Variants in CEP295 observed in about 807,000 individuals in gnomAD.
CEP295 encodes the protein centrosomal protein of 295 kDa.
CEP295 carries 190 observed loss-of-function variants against 291.6 expected under a neutral mutation model. That is an observed-to-expected ratio of 0.65 (90% CI 0.58 to 0.73). The LOEUF (loss-of-function observed/expected upper bound fraction) is 0.73. Among genes scored for constraint, CEP295 ranks in the 30% least tolerant of loss-of-function variants. The probability of loss-of-function intolerance (pLI) is 0.00; values close to 1 mark genes in which losing one functional copy is unlikely to be tolerated. For synonymous variants in CEP295, 993 were observed against 1,038.8 expected, an observed-to-expected ratio of 0.96 and a Z score of 0.85; for missense variants, 2,863 against 2,949.4, an observed-to-expected ratio of 0.97 and a Z score of 0.68.
At chr11:93,702,428 G>A (rs1233915045) in intron 15 of CEP295, 32 bp from the exon 16 acceptor site, 1 of 1,450,108 alleles carries the variant, frequency 6.9e-7, no homozygotes, top group African/African-American at 1.4e-5. Flanking sequence ...CCCCCAACTT[G>A]TGCTTCCCCA....
intron 29 of CEP295, 40 bp downstream of exon 29, chr11:93,730,188 A>G: frequency 6.4e-7 from 1 of 1,551,300 alleles, no homozygotes; most frequent in Middle Eastern, 1.7e-4. Flanking sequence ...TTTTTCAAGC[A>G]TGAAGTACAC....
At chr11:93,707,337 A>G (rs186764088) in intron 18 of CEP295, among the ~76,000 whole-genome samples, 8 of 152,304 alleles carry the variant, frequency 5.3e-5, no homozygotes, top group Admixed American at 3.3e-4. Context: ...AAGACAGCCA[A>G]TGTTAATCTT....
intron 18 of CEP295, among the ~76,000 whole-genome samples, chr11:93,714,312 A>G (rs1953094956): frequency 1.3e-5 from 2 of 152,214 alleles, no homozygotes; most frequent in South Asian, 4.2e-4. Context: ...GTGCAGTGGC[A>G]TGATCTCAGC....
rs138290534 is a variant in CEP295, at chr11:93,670,389, AT to A, written c.528+627del. ...TGTGTGCTTTTGTGATTTGAAGCTT[AT>A]TTTTTTTAAAAAAATGTAATTAAAG... On this transcript the variant is annotated intron_variant, in intron 5 of 29. Transcript: ENST00000325212. 1.4e-3 allele frequency among the ~76,000 whole-genome samples: 30 copies of A among 22,002 alleles called. No homozygotes were observed. In the South Asian group the frequency reaches 0.026, roughly 19 times the overall value. The allele number at this position is 22,002 out of a possible 152,430, so 14.4% of individuals were successfully genotyped here. A position where few individuals can be genotyped will look rare whatever the true frequency, so the allele number is the denominator to read the frequency against.
chr11:93,704,599 C>T (rs930257335), intron 17 of CEP295, among the ~76,000 whole-genome samples: 2 of 152,070 alleles, frequency 1.3e-5, no homozygotes, highest in Non-Finnish European at 2.9e-5. Flanking sequence ...CCTACCAAAA[C>T]CCCTGGTAGG....
At position 93,702,568 on chromosome 11, in the gene CEP295, A is replaced by C. The variant is rs1952236423; in HGVS notation, c.5383A>C (p.Arg1795=). The change falls in exon 16 of 30, where the codon AGG becomes CGG. Residue 1795 remains arginine (R), a synonymous_variant. Coordinates refer to ENST00000325212, the MANE Select transcript of CEP295 (RefSeq NM_033395.2). ...DLAGNDQENI[R]HADRNNSDDN... ...AGCAGGAAATGATCAAGAAAATATT[A>C]GGCATGCAGATAGGAACAACTCTGA... 8 of 1,551,322 alleles carry C rather than the reference A, an allele frequency of 5.2e-6. No homozygotes were observed. Among genetic ancestry groups the C allele is most frequent in the Non-Finnish European group, 7.0e-6 (8 of 1,146,794 alleles).
chr11:93,718,246 A>T (rs900582291), intron 18 of CEP295, among the ~76,000 whole-genome samples: 1 of 152,154 alleles, frequency 6.6e-6, no homozygotes, highest in African/African-American at 2.4e-5. Flanking sequence ...CTGTCTTGTT[A>T]CTACTATTCC....
chr11:93,685,272 A>G (rs1951170972), intron 9 of CEP295, among the ~76,000 whole-genome samples: 1 of 152,080 alleles, frequency 6.6e-6, no homozygotes, highest in Non-Finnish European at 1.5e-5. Flanking sequence ...TTCACCCTAC[A>G]CTGTGAACAT....
At chr11:93,719,951 T>C (rs1159517945) in intron 18 of CEP295, among the ~76,000 whole-genome samples, 4 of 152,122 alleles carry the variant, frequency 2.6e-5, no homozygotes, top group Non-Finnish European at 5.9e-5. Context: ...AATACATGAT[T>C]GTTAATATGA....
chr11:93,720,489 A>AAAAAAAAAAAAG (rs34039567), intron 18 of CEP295, among the ~76,000 whole-genome samples: 2 of 121,322 alleles, frequency 1.6e-5, no homozygotes, highest in Non-Finnish European at 1.7e-5. Context: ...AAAAAAAAAA[A>AAAAAAAAAAAAG]ACTGTCTCTA....
At position 93,681,557 on chromosome 11, in the gene CEP295, A is replaced by T. The variant is rs937611757; in HGVS notation, c.766-2002A>T. ...TGGCCTCCCAAGTAGCTGGGACTAC[A>T]GGCACATACCACCACGCTTGGCTAA... On this transcript the variant is annotated intron_variant, in intron 7 of 29. Coordinates refer to ENST00000325212, the MANE Select transcript of CEP295 (RefSeq NM_033395.2). 2.2e-4 allele frequency among the ~76,000 whole-genome samples: 34 copies of T among 151,516 alleles called. 1 individual carries two copies. The highest frequency in any genetic ancestry group is 2.2e-3 in the Admixed American group (34 of 15,208).
chr11:93,711,837 T>C (rs1039406208), intron 18 of CEP295, among the ~76,000 whole-genome samples: 1 of 152,008 alleles, frequency 6.6e-6, no homozygotes, highest in Non-Finnish European at 1.5e-5. Context: ...TTTTTTTTTT[T>C]TTAATGTTTT....
In CEP295 at chr11:93,727,471, C is replaced by A; in HGVS notation, c.6995C>A (p.Thr2332Asn). ...TGTGTAAGAACAGTGGAGATGGGAA[C>A]TTCAATTCAGGCACCATATTCCTTA... Reference protein sequence around the residue: ...RLCVRTVEMGTSIQAPYSLTT... With the variant: ...RLCVRTVEMGNSIQAPYSLTT... Residue 2332 changes from threonine to asparagine, a missense_variant, in exon 24 of 30, where the codon ACT becomes AAT. Physicochemically the swap from Thr to Asn is moderately conservative, Grantham distance 65 (BLOSUM62 0). Transcript: ENST00000325212. The A allele has an allele frequency of 6.4e-7, 1 of 1,551,974 alleles. No homozygotes were observed. Among genetic ancestry groups the A allele is most frequent in the Non-Finnish European group, 8.7e-7 (1 of 1,147,034 alleles).
chr11:93,729,815 C>T, intron 27 of CEP295, 34 bp downstream of exon 27: 1 of 1,536,600 alleles, frequency 6.5e-7, no homozygotes, highest in Non-Finnish European at 8.8e-7. Flanking sequence ...CAACCAACTC[C>T]CTGAAATGTT....
At chr11:93,691,031 C>A (rs1217491092) in intron 10 of CEP295, among the ~76,000 whole-genome samples, 2 of 152,304 alleles carry the variant, frequency 1.3e-5, no homozygotes, top group African/African-American at 4.8e-5. Context: ...TTATTATACT[C>A]TATTGTATAA....
chr11:93,698,853 C>T lies in CEP295; in HGVS notation c.3941C>T (p.Pro1314Leu), dbSNP rs753055235. Residue 1314 changes from proline (P) to leucine (L), a missense_variant, in exon 15 of 30, where the codon CCT becomes CTT. Physicochemically the swap from Pro to Leu is moderately conservative, Grantham distance 98. Transcript: ENST00000325212. ...GCTGAGTCTGGCACAATCCTGGAAC[C>T]TCTTTTTACAGAGAGTGAAAGTAAA... ...ASAESGTILE[P>L]LFTESESKIF... is the part of the protein sequence containing the mutation. 2 of 1,551,628 alleles carry T rather than the reference C, an allele frequency of 1.3e-6. No homozygotes were observed. The highest frequency in any genetic ancestry group is 2.4e-5 in the East Asian group (1 of 40,926).
chr11:93,661,859 G>T (rs1950000261), intron 1 of CEP295, 85 bp downstream of exon 1: 1 of 152,700 alleles, frequency 6.5e-6, no homozygotes, highest in Non-Finnish European at 1.5e-5. Flanking sequence ...TATTCCGGAG[G>T]AATGGGATCC....
chr11:93,670,158 TG>T (rs1260668867), intron 5 of CEP295, among the ~76,000 whole-genome samples: 1 of 152,112 alleles, frequency 6.6e-6, no homozygotes, highest in Non-Finnish European at 1.5e-5. Flanking sequence ...ATTTATTTAT[TG>T]GGGGAAAAAA....
chr11:93,711,576 C>T (rs865826518), intron 18 of CEP295, among the ~76,000 whole-genome samples: 2 of 152,284 alleles, frequency 1.3e-5, no homozygotes, highest in South Asian at 2.1e-4. Flanking sequence ...GATCTTGGCC[C>T]ACTGCAGCCT....
Sources: allele counts gnomAD v4.1 joint callset (sites outside exome capture counted in the v4.1 genomes callset), GRCh38; gene constraint gnomAD v4.1.1; transcripts MANE v1.5; gene names NCBI Gene and HGNC (gene_info 2026-07-23, HGNC 2026-07-21).